GLT1D1: variants seen among roughly 807,000 people sequenced by gnomAD.
GLT1D1 encodes glycosyltransferase 1 domain containing 1.
A neutral mutation model predicts 28.7 loss-of-function variants in GLT1D1; 21 were observed. The observed-to-expected ratio is 0.73, with a 90% CI of 0.52 to 1.05. GLT1D1 has a LOEUF of 1.05. Among genes scored for constraint, GLT1D1 ranks in the 50% least tolerant of loss-of-function variants. GLT1D1 has a pLI of 0.00. For synonymous variants in GLT1D1, 147 were observed against 124.8 expected, an observed-to-expected ratio of 1.18 and a Z score of -1.19; for missense variants, 343 against 330.6, an observed-to-expected ratio of 1.04 and a Z score of -0.29.
Position 128,899,240 on chromosome 12 carries a change from G to A in GLT1D1, c.328G>A (p.Ala110Thr), listed in dbSNP as rs777054537. ...TTATTTTTGTTCATTTACTAGATTT[G>A]CTGTCGCTTTCACAGAGTCAATGAA... The change falls in exon 4 of 8, where the codon GCT becomes ACT. Residue 110 changes from alanine to threonine, a missense_variant. Transcript: ENST00000281703. 10 of 1,611,272 alleles carry A rather than the reference G, an allele frequency of 6.2e-6. No individual in the cohort carries two copies. Among genetic ancestry groups the A allele is most frequent in the South Asian group, 1.1e-5 (1 of 91,022 alleles).
rs565798644 is a variant in GLT1D1 at position 128,914,260 on chromosome 12, A to T, written c.375+14973A>T. Among the ~76,000 whole-genome samples the T allele has an allele frequency of 3.3e-5, 5 of 152,088 alleles. No homozygotes were observed. In the South Asian group the frequency reaches 1.0e-3, roughly 32 times the overall value. Reference sequence around the variant, plus strand: ...GGTTGAGAGTGGGAATTTTACAGGGAGGTATAATTTTCACATGGGGCTTAG... The same window carrying T: ...GGTTGAGAGTGGGAATTTTACAGGGTGGTATAATTTTCACATGGGGCTTAG... On this transcript the variant is annotated intron_variant, in intron 4 of 7. Coordinates refer to ENST00000281703, the MANE Select transcript of GLT1D1 (RefSeq NM_144669.3).
chr12:128,979,394 G>T (rs1880103351), intron 7 of GLT1D1, among the ~76,000 whole-genome samples: 1 of 152,092 alleles, frequency 6.6e-6, no homozygotes, highest in Non-Finnish European at 1.5e-5. Context: ...ACGGTTGGTG[G>T]CGGGGTTCAG....
intron 3 of GLT1D1, among the ~76,000 whole-genome samples, chr12:128,890,026 G>A (rs961635012): frequency 1.3e-5 from 2 of 152,096 alleles, no homozygotes; most frequent in East Asian, 3.9e-4. Flanking sequence ...CACCTGCCTC[G>A]GCCTCCCAAA....
At chr12:128,947,534 CGTCTTT>C in intron 6 of GLT1D1, 76 bp downstream of exon 10, 2 of 1,529,022 alleles carry the variant, frequency 1.3e-6, no homozygotes, top group Admixed American at 3.3e-5. Context: ...ACGGAGGTGA[CGTCTTT>C]GTCAATAACA....
At chr12:128,928,019 AAAAAAACAAAAAAGAAT>A (rs1186262744) in intron 4 of GLT1D1, among the ~76,000 whole-genome samples, 23 of 150,222 alleles carry the variant, frequency 1.5e-4, no homozygotes, top group African/African-American at 5.1e-4. Flanking sequence ...AAAAAAAAAA[AAAAAAACAAAAAAGAAT>A]AGAAAAAAAG....
intron 4 of GLT1D1, among the ~76,000 whole-genome samples, chr12:128,916,675 C>T (rs953653134): frequency 1.1e-4 from 16 of 152,068 alleles, no homozygotes; most frequent in Admixed American, 9.2e-4. Context: ...GAGTGTCTAG[C>T]CAATTGTGTG....
intron 6 of GLT1D1, among the ~76,000 whole-genome samples, chr12:128,950,034 C>T (rs558598921): frequency 2.2e-4 from 33 of 152,200 alleles, no homozygotes; most frequent in African/African-American, 7.7e-4. Flanking sequence ...GTCACTTTAA[C>T]CTTGACTAGT....
intron 6 of GLT1D1, among the ~76,000 whole-genome samples, chr12:128,948,924 C>T (rs34820503): frequency 0.12 from 18,181 of 152,234 alleles, 1,249 homozygotes; most frequent in South Asian, 0.16. Flanking sequence ...TGTGTCCGTG[C>T]CCATGAATCT....
chr12:128,899,753 C>T (rs1338316182), intron 4 of GLT1D1, among the ~76,000 whole-genome samples: 1 of 151,888 alleles, frequency 6.6e-6, no homozygotes, highest in East Asian at 1.9e-4. Context: ...GATTTCACCA[C>T]GTTGGTCAGG....
chr12:128,914,835 A>T, intron 4 of GLT1D1, 98 bp from the exon 6 acceptor site: 1 of 841,590 alleles, frequency 1.2e-6, no homozygotes, highest in Non-Finnish European at 1.9e-6. Context: ...AATAAGAATA[A>T]TAGTAATAAT....
intron 2 of GLT1D1, among the ~76,000 whole-genome samples, chr12:128,881,228 A>G (rs970043184): frequency 7.0e-5 from 7 of 100,112 alleles, no homozygotes; most frequent in African/African-American, 3.4e-4. Flanking sequence ...CGTTTCAAAA[A>G]AAAAAAAAAA....
At chr12:128,971,444 T>TCCCTCCCTCTGCCTCCCTCCCTC in intron 7 of GLT1D1, among the ~76,000 whole-genome samples, 1 of 87,346 alleles carries the variant, frequency 1.1e-5, no homozygotes, top group East Asian at 5.3e-4. Flanking sequence ...CTCCCTCCCT[T>TCCCTCCCTCTGCCTCCCTCCCTC]CCTCTCTCCC....
intron 1 of GLT1D1, among the ~76,000 whole-genome samples, chr12:128,853,991 C>A (rs922842621): frequency 6.6e-6 from 1 of 152,050 alleles, no homozygotes; most frequent in African/African-American, 2.4e-5. Context: ...CAGGGATGCG[C>A]AGCGGGGTCC....
At chr12:128,871,991 G>A (rs12366692) in intron 1 of GLT1D1, among the ~76,000 whole-genome samples, 30,273 of 151,604 alleles carry the variant, frequency 0.2, 3,135 homozygotes, top group South Asian at 0.31. Flanking sequence ...TCGCTCTGTC[G>A]CCCAGGCTGG....
At chr12:128,959,580 A>G (rs1877730304) in intron 7 of GLT1D1, among the ~76,000 whole-genome samples, 1 of 152,210 alleles carries the variant, frequency 6.6e-6, no homozygotes, top group Non-Finnish European at 1.5e-5. Context: ...GGGAAATAGC[A>G]AAGGTGGGAC....
intron 7 of GLT1D1, among the ~76,000 whole-genome samples, chr12:128,959,614 T>A (rs1216964101): frequency 2.0e-5 from 3 of 152,148 alleles, no homozygotes; most frequent in African/African-American, 7.2e-5. Context: ...TGTTATTGTC[T>A]ACAAAAGGTG....
chr12:128,977,779 CTTTTTTTTTT>C (rs1163954822), intron 7 of GLT1D1, among the ~76,000 whole-genome samples: 1 of 22,974 alleles, frequency 4.4e-5, no homozygotes, highest in Admixed American at 7.2e-4. Context: ...TTTCTTTTTT[CTTTTTTTTTT>C]TTTTTTGAAA....
At chr12:128,867,403 A>C (rs1956564404) in intron 1 of GLT1D1, among the ~76,000 whole-genome samples, 2 of 145,132 alleles carry the variant, frequency 1.4e-5, no homozygotes, top group South Asian at 4.6e-4. Flanking sequence ...TTCTCAAAAA[A>C]AAAAAAAAAA....
intron 1 of GLT1D1, among the ~76,000 whole-genome samples, chr12:128,854,725 G>T (rs1490382360): frequency 6.6e-6 from 1 of 152,074 alleles, no homozygotes; most frequent in African/African-American, 2.4e-5. Context: ...TCGAACTCCT[G>T]CCCTCAGGTG....
Sources: gnomAD v4.1 joint callset for allele counts (sites outside exome capture counted in the v4.1 genomes callset) on GRCh38, gnomAD v4.1.1 for gene constraint, MANE v1.5 for transcripts, NCBI Gene and HGNC (gene_info 2026-07-23, HGNC 2026-07-21) for gene names.